The following CCSER2 variants were observed in gnomAD, a reference collection of about 807,000 sequenced individuals.
CCSER2 encodes coiled-coil serine rich protein 2.
Under a neutral mutation model 92.3 loss-of-function variants are expected in CCSER2, and 46 were observed. The ratio of observed to expected loss-of-function variants is 0.50; its 90% confidence interval spans 0.39 to 0.64. The LOEUF is 0.64. Among genes scored for constraint, CCSER2 ranks in the 30% least tolerant of loss-of-function variants. The pLI is 0.00. For missense variants in CCSER2, 1,244 were observed against 1,238.9 expected (o/e 1.00, Z -0.06); for synonymous variants, 433 against 431.4 (o/e 1.00, Z -0.04).
intron 6 of CCSER2, among the ~76,000 whole-genome samples, chr10:84,452,613 T>C (rs1226230120): frequency 6.6e-6 from 1 of 152,226 alleles, no homozygotes; most frequent in Non-Finnish European, 1.5e-5. Flanking sequence ...TGTGAATTAC[T>C]TATTTTTTGT....
chr10:84,463,120 C>T (rs947334244), intron 6 of CCSER2, among the ~76,000 whole-genome samples: 1 of 152,162 alleles, frequency 6.6e-6, no homozygotes, highest in African/African-American at 2.4e-5. Context: ...TTTCTTAGTA[C>T]TAAACCAGTT....
intron 8 of CCSER2, among the ~76,000 whole-genome samples, chr10:84,473,675 C>G (rs1215288267): frequency 6.6e-6 from 1 of 152,100 alleles, no homozygotes; most frequent in African/African-American, 2.4e-5. Context: ...TTCACATTAT[C>G]AAATTAAAAT....
intron 3 of CCSER2, among the ~76,000 whole-genome samples, chr10:84,414,298 T>C (rs1305837117): frequency 6.6e-6 from 1 of 152,212 alleles, no homozygotes; most frequent in Admixed American, 6.5e-5. Flanking sequence ...GTTTTTCCTT[T>C]CTATATTTAG....
At chr10:84,505,585 GA>G (rs1423316383) in intron 9 of CCSER2, among the ~76,000 whole-genome samples, 1 of 152,100 alleles carries the variant, frequency 6.6e-6, no homozygotes, top group Non-Finnish European at 1.5e-5. Flanking sequence ...ATGCAAACTA[GA>G]GTAACTCAGT....
chr10:84,478,294 C>G (rs925610388), intron 9 of CCSER2, among the ~76,000 whole-genome samples: 6 of 152,090 alleles, frequency 3.9e-5, no homozygotes, highest in African/African-American at 1.4e-4. Flanking sequence ...GAACTTAGTG[C>G]AGGATGTGTG....
chr10:84,347,861 C>T (rs971341171), intron 1 of CCSER2, among the ~76,000 whole-genome samples: 10 of 151,898 alleles, frequency 6.6e-5, no homozygotes, highest in Non-Finnish European at 5.9e-5. Flanking sequence ...GACGGGGCGG[C>T]GGGGCAGAGG....
chr10:84,470,293 A>G lies in CCSER2; in HGVS notation c.2149-79A>G, dbSNP rs1367308022. ...TAAATGACCAGATAGTTTGTTCATT[A>G]CTGTGTCTTCATCATTGATTTCATG... On this transcript the variant is annotated intron_variant, in intron 7 of 9. Coordinates refer to ENST00000372088, the MANE Select transcript of CCSER2 (RefSeq NM_001284240.2). 27 of 821,938 alleles carry G rather than the reference A, an allele frequency of 3.3e-5. 1 individual carries two copies. The Admixed American group carries it at 1.3e-3, about 38-fold the overall frequency. 50.9% of individuals were successfully genotyped at this position (821,938 alleles called of 1,614,324 possible).
intron 8 of CCSER2, among the ~76,000 whole-genome samples, chr10:84,475,326 G>A (rs570734851): frequency 1.5e-4 from 23 of 152,240 alleles, no homozygotes. Flanking sequence ...AATAAAGAAG[G>A]CAGATGGTGA....
chr10:84,416,915 C>A (rs771042022), intron 3 of CCSER2, among the ~76,000 whole-genome samples: 4 of 151,946 alleles, frequency 2.6e-5, no homozygotes, highest in East Asian at 3.9e-4. Flanking sequence ...TGGGTGACAG[C>A]GAGACTCCGT....
At chr10:84,363,860 A>G (rs1001855885) in intron 1 of CCSER2, among the ~76,000 whole-genome samples, 7 of 152,198 alleles carry the variant, frequency 4.6e-5, no homozygotes, top group African/African-American at 1.2e-4. Flanking sequence ...TCCTTAGGCC[A>G]TTGTTGTTCT....
intron 9 of CCSER2, among the ~76,000 whole-genome samples, chr10:84,502,115 G>GTT (rs768277816): frequency 2.0e-5 from 3 of 148,586 alleles, no homozygotes. Context: ...CTAATAAAGG[G>GTT]TTTTTTTTTA....
intron 4 of CCSER2, among the ~76,000 whole-genome samples, chr10:84,418,637 GAA>G (rs1484660688): frequency 6.6e-6 from 1 of 152,176 alleles, no homozygotes; most frequent in Non-Finnish European, 1.5e-5. Flanking sequence ...CATGGTGCTA[GAA>G]AAATGCAAGG....
At chr10:84,375,850 T>TC in intron 3 of CCSER2, among the ~76,000 whole-genome samples, 1 of 151,234 alleles carries the variant, frequency 6.6e-6, no homozygotes. Context: ...GCTTTTTTTT[T>TC]CTGTTTCTTT....
At chr10:84,466,339 A>C (rs1458050407) in intron 7 of CCSER2, among the ~76,000 whole-genome samples, 1 of 152,004 alleles carries the variant, frequency 6.6e-6, no homozygotes, top group East Asian at 1.9e-4. Flanking sequence ...CTTTTATTTA[A>C]TCTCAGGACA....
At chr10:84,414,755 C>T (rs537233386) in intron 3 of CCSER2, among the ~76,000 whole-genome samples, 1 of 152,206 alleles carries the variant, frequency 6.6e-6, no homozygotes, top group Admixed American at 6.5e-5. Flanking sequence ...AAGTTGGTTC[C>T]ATTCTCCCCA....
chr10:84,381,105 G>A (rs1265293904), intron 3 of CCSER2, among the ~76,000 whole-genome samples: 1 of 152,098 alleles, frequency 6.6e-6, no homozygotes, highest in African/African-American at 2.4e-5. Flanking sequence ...TGATTCCCTG[G>A]TGATACTGGT....
intron 7 of CCSER2, among the ~76,000 whole-genome samples, chr10:84,464,909 C>T (rs1019057520): frequency 1.3e-4 from 20 of 152,046 alleles, no homozygotes; most frequent in Non-Finnish European, 2.9e-5. Context: ...ATTATTTGCT[C>T]GTAGGTTGCA....
chr10:84,342,613 C>T (rs191877717), intron 1 of CCSER2, among the ~76,000 whole-genome samples: 5 of 152,308 alleles, frequency 3.3e-5, no homozygotes, highest in Non-Finnish European at 7.4e-5. Flanking sequence ...ACTCAGACTT[C>T]CTTTTCTTGT....
In CCSER2 at chr10:84,425,704, T is replaced by C. The variant is rs374118810; in HGVS notation, c.1706-27T>C. The C allele has an allele frequency of 9.7e-6, 15 of 1,541,908 alleles. No homozygotes were observed. In the African/African-American group the frequency reaches 1.8e-4, roughly 18 times the overall value. Reference sequence around the variant, plus strand: ...CTTTTATGGAGTATGTACATGTTTATAGTCTTTTGCTTTTGAATCTGTCTA... The same window carrying C: ...CTTTTATGGAGTATGTACATGTTTACAGTCTTTTGCTTTTGAATCTGTCTA... On this transcript the variant is annotated intron_variant, in intron 4 of 9. Coordinates refer to ENST00000372088, the MANE Select transcript of CCSER2 (RefSeq NM_001284240.2).
Sources: allele counts gnomAD v4.1 joint callset (sites outside exome capture counted in the v4.1 genomes callset), GRCh38; gene constraint gnomAD v4.1.1; transcripts MANE v1.5; gene names NCBI Gene and HGNC (gene_info 2026-07-23, HGNC 2026-07-21).